OLA1: variants seen among roughly 807,000 people sequenced by gnomAD.
The protein encoded by OLA1 is obg-like ATPase 1.
In OLA1, 14 loss-of-function variants were observed where a neutral mutation model predicts 48.4. The ratio of observed to expected loss-of-function variants is 0.29; its 90% CI spans 0.19 to 0.45. The LOEUF is 0.45. OLA1 is among the 20% of genes least tolerant of loss of function. OLA1 has a pLI of 1.00. For missense variants in OLA1, 325 were observed against 467.1 expected (o/e 0.70, Z 2.80); for synonymous variants, 127 against 150.4 (o/e 0.84, Z 1.14).
chr2:174,077,282 G>A (rs528407992), intron 10 of OLA1, among the ~76,000 whole-genome samples: 1 of 151,978 alleles, frequency 6.6e-6, no homozygotes, highest in Non-Finnish European at 1.5e-5. Flanking sequence ...CACAGCACTG[G>A]CATTAAATTA....
At chr2:174,171,491 G>C (rs921648645) in intron 4 of OLA1, among the ~76,000 whole-genome samples, 1 of 152,022 alleles carries the variant, frequency 6.6e-6, no homozygotes, top group South Asian at 2.1e-4. Context: ...CCAAATACTT[G>C]GAAATACACA....
At chr2:174,090,257 C>T (rs1198428233) in intron 7 of OLA1, among the ~76,000 whole-genome samples, 1 of 152,118 alleles carries the variant, frequency 6.6e-6, no homozygotes, top group Non-Finnish European at 1.5e-5. Context: ...AGGATTAACG[C>T]ACTTTCTGAT....
At chr2:174,190,984 G>T (rs572562492) in intron 4 of OLA1, among the ~76,000 whole-genome samples, 21 of 146,282 alleles carry the variant, frequency 1.4e-4, no homozygotes, top group African/African-American at 4.8e-4. Context: ...AGTAACTCTG[G>T]GTCAAAGGAT....
chr2:174,109,911 A>G (rs997471889), intron 7 of OLA1, among the ~76,000 whole-genome samples: 1 of 152,106 alleles, frequency 6.6e-6, no homozygotes, highest in Non-Finnish European at 1.5e-5. Flanking sequence ...CCAGGTATTA[A>G]GCTCAGTAAC....
intron 10 of OLA1, among the ~76,000 whole-genome samples, chr2:174,078,405 A>G (rs1558942942): frequency 6.6e-6 from 1 of 151,964 alleles, no homozygotes; most frequent in South Asian, 2.1e-4. Context: ...CTACTCATGT[A>G]TAAAACTGCT....
intron 7 of OLA1, among the ~76,000 whole-genome samples, chr2:174,102,381 A>T (rs1685417418): frequency 6.6e-6 from 1 of 151,948 alleles, no homozygotes; most frequent in Non-Finnish European, 1.5e-5. Context: ...GGGAAGAGTC[A>T]TGGCCGACAG....
At chr2:174,129,016 A>T (rs1043434504) in intron 5 of OLA1, among the ~76,000 whole-genome samples, 1 of 152,158 alleles carries the variant, frequency 6.6e-6, no homozygotes, top group African/African-American at 2.4e-5. Flanking sequence ...CTGGCTGAGT[A>T]ATTTTGGGGA....
At chr2:174,246,660 T>C (rs767798636) in intron 2 of OLA1, 55 bp downstream of exon 2, 2 of 1,173,720 alleles carry the variant, frequency 1.7e-6, no homozygotes, top group Non-Finnish European at 2.5e-6. Context: ...ATTTCTACAA[T>C]AGGACCCAAA....
chr2:174,187,513 T>A (rs1231152862), intron 4 of OLA1, among the ~76,000 whole-genome samples: 1 of 152,214 alleles, frequency 6.6e-6, no homozygotes, highest in Non-Finnish European at 1.5e-5. Flanking sequence ...CCATTTCTAA[T>A]TGGTTTCACA....
At chr2:174,198,166 T>C (rs1443421594) in intron 4 of OLA1, among the ~76,000 whole-genome samples, 1 of 152,126 alleles carries the variant, frequency 6.6e-6, no homozygotes, top group East Asian at 1.9e-4. Flanking sequence ...CTTCACCATG[T>C]TGGCCAGGAT....
At chr2:174,164,132 C>T (rs1420274678) in intron 4 of OLA1, among the ~76,000 whole-genome samples, 3 of 151,952 alleles carry the variant, frequency 2.0e-5, no homozygotes, top group African/African-American at 7.3e-5. Flanking sequence ...GTGCCTTCCA[C>T]CATGCTTGTA....
chr2:174,077,798 T>A (rs147114068), intron 10 of OLA1, among the ~76,000 whole-genome samples: 5 of 151,956 alleles, frequency 3.3e-5, no homozygotes, highest in African/African-American at 9.7e-5. Flanking sequence ...ATAGAAAACA[T>A]CCTCATTTTT....
At chr2:174,123,083 A>G in intron 7 of OLA1, 97 bp downstream of exon 7, 1 of 616,306 alleles carries the variant, frequency 1.6e-6, no homozygotes, top group African/African-American at 2.0e-5. Context: ...GAAAAATATT[A>G]AAATTAAACA....
rs138462264 is a variant in OLA1 at position 174,072,891 on chromosome 2, T to C, written c.*2535A>G. On this transcript the variant is annotated 3_prime_UTR_variant, in exon 11 of 11. Transcript: ENST00000284719. ...GGAGATCCGGCTCTGCTCTGAGCCA[T>C]ATGCAAAATGCATGTTATGAAGATA... 1.1e-3 allele frequency: 170 copies of C among 152,176 alleles called. No individual in the cohort carries two copies. Among genetic ancestry groups the C allele is most frequent in the African/African-American group, 3.2e-3 (131 of 41,470 alleles). 9.4% of individuals were successfully genotyped at this position (152,176 alleles called of 1,614,324 possible).
In OLA1 at chr2:174,199,718, C is replaced by A. The variant is rs115616413; in HGVS notation, c.373+23315G>T. Among the ~76,000 whole-genome samples, 1,199 of 149,858 alleles carry A rather than the reference C, an allele frequency of 8.0e-3. 19 individuals carry two copies. Among genetic ancestry groups the A allele is most frequent in the African/African-American group, 0.027 (1,126 of 41,330 alleles). On this transcript the variant is annotated intron_variant, in intron 4 of 10. Transcript: ENST00000284719. ...TCAAAGTACAAGATAGACTAAGGGA[C>A]TTTAATATGAGTACAGAATGTTCAT...
At chr2:174,176,451 GA>G in intron 4 of OLA1, among the ~76,000 whole-genome samples, 2 of 152,164 alleles carry the variant, frequency 1.3e-5, no homozygotes, top group Non-Finnish European at 2.9e-5. Flanking sequence ...ACAAAAATTG[GA>G]AAAAATATCA....
At chr2:174,076,934 A>G (rs1684753175) in intron 10 of OLA1, among the ~76,000 whole-genome samples, 1 of 152,112 alleles carries the variant, frequency 6.6e-6, no homozygotes, top group South Asian at 2.1e-4. Context: ...TATATAGACA[A>G]TATAAATCAA....
At chr2:174,210,996 T>G (rs1305750599) in intron 4 of OLA1, among the ~76,000 whole-genome samples, 2 of 152,146 alleles carry the variant, frequency 1.3e-5, no homozygotes, top group Non-Finnish European at 2.9e-5. Context: ...TGGCTCTACC[T>G]GGCAGAGGAT....
At chr2:174,144,047 G>A (rs558195961) in intron 4 of OLA1, among the ~76,000 whole-genome samples, 2 of 152,236 alleles carry the variant, frequency 1.3e-5, no homozygotes, top group South Asian at 4.1e-4. Flanking sequence ...GCTGTAACAA[G>A]CCATGATCAT....
Sources: gnomAD v4.1 joint callset for allele counts (sites outside exome capture counted in the v4.1 genomes callset) on GRCh38, gnomAD v4.1.1 for gene constraint, MANE v1.5 for transcripts, NCBI Gene and HGNC (gene_info 2026-07-23, HGNC 2026-07-21) for gene names.